Variants in DCC observed in about 807,000 individuals in gnomAD.
DCC encodes netrin receptor DCC.
Under a neutral mutation model 172.5 loss-of-function variants are expected in DCC, and 58 were observed. The observed-to-expected ratio is 0.34, with a 90% CI of 0.27 to 0.42. DCC has a LOEUF of 0.42. DCC is among the 10% of genes least tolerant of loss of function. DCC has a pLI of 1.00. For synonymous variants in DCC, 709 were observed against 644.5 expected (o/e 1.10, Z -1.52); for missense variants, 1,740 against 1,791.0 (o/e 0.97, Z 0.51).
At chr18:53,464,425 T>C (rs2045594103) in intron 24 of DCC, among the ~76,000 whole-genome samples, 1 of 152,298 alleles carries the variant, frequency 6.6e-6, no homozygotes, top group African/African-American at 2.4e-5. Flanking sequence ...TTTTGAATTA[T>C]ATACATGTCT....
intron 1 of DCC, among the ~76,000 whole-genome samples, chr18:52,654,220 T>G (rs1227324808): frequency 1.3e-5 from 2 of 152,190 alleles, no homozygotes; most frequent in African/African-American, 2.4e-5. Flanking sequence ...AGTTTGGTTA[T>G]GGAGAAAATA....
chr18:52,929,852 ACACACACACACT>A (rs769618864), intron 5 of DCC, among the ~76,000 whole-genome samples: 2 of 115,728 alleles, frequency 1.7e-5, no homozygotes, highest in East Asian at 2.8e-4. Context: ...ACACACACAC[ACACACACACACT>A]CACGTTTGTT....
intron 5 of DCC, among the ~76,000 whole-genome samples, chr18:52,943,729 C>A (rs1265869590): frequency 1.1e-5 from 1 of 88,276 alleles, no homozygotes; most frequent in Non-Finnish European, 2.4e-5. Flanking sequence ...AAAGGACTGG[C>A]AATTTATGGT....
rs374515719 is a variant in DCC, at chr18:53,267,133, CAT to C, written c.1912-38429_1912-38428del. Among the ~76,000 whole-genome samples, 841 of 145,364 alleles carry C rather than the reference CAT, an allele frequency of 5.8e-3. 11 individuals are homozygous for C. Among genetic ancestry groups the C allele is most frequent in the Middle Eastern group, 0.014 (4 of 286 alleles). ...TCTCACACACACACACACACACACACATATATATATATATATAGAGAGAGAGA... is the reference window on the plus strand; with the variant it reads ...TCTCACACACACACACACACACACACATATATATATATATAGAGAGAGAGA... On this transcript the variant is annotated intron_variant, in intron 12 of 28. Transcript: ENST00000442544.
rs527765661 is a variant in DCC at position 53,351,808 on chromosome 18, C to T, written c.2359+11901C>T. Reference sequence around the variant, plus strand: ...TCACGTCAGTGTTTACAGACAGCAACTTGCTGTGTTTCTTCTAAGCACTTC... The same window carrying T: ...TCACGTCAGTGTTTACAGACAGCAATTTGCTGTGTTTCTTCTAAGCACTTC... On this transcript the variant is annotated intron_variant, in intron 15 of 28. Coordinates refer to ENST00000442544, the MANE Select transcript of DCC (RefSeq NM_005215.4). 3.9e-5 allele frequency among the ~76,000 whole-genome samples: 6 copies of T among 151,934 alleles called. No individual in the cohort carries two copies. The South Asian group carries it at 1.2e-3, about 32-fold the overall frequency.
intron 25 of DCC, among the ~76,000 whole-genome samples, chr18:53,484,025 T>C (rs1024255642): frequency 2.6e-5 from 4 of 151,668 alleles, no homozygotes; most frequent in African/African-American, 9.7e-5. Flanking sequence ...AGTGTGTGTG[T>C]ATATATATAT....
At chr18:53,084,515 C>T (rs1599111301) in intron 7 of DCC, among the ~76,000 whole-genome samples, 1 of 152,116 alleles carries the variant, frequency 6.6e-6, no homozygotes, top group Admixed American at 6.5e-5. Context: ...TCTGGTGGCT[C>T]ACTTGTTGGG....
At chr18:52,803,849 T>C (rs1280915034) in intron 2 of DCC, among the ~76,000 whole-genome samples, 1 of 152,200 alleles carries the variant, frequency 6.6e-6, no homozygotes, top group East Asian at 1.9e-4. Flanking sequence ...ATTAACTAAG[T>C]AAATGCCAGC....
At chr18:53,270,108 C>T (rs1475473382) in intron 12 of DCC, among the ~76,000 whole-genome samples, 3 of 152,126 alleles carry the variant, frequency 2.0e-5, no homozygotes, top group Non-Finnish European at 4.4e-5. Context: ...TAGTAGACAA[C>T]CTCTCCCTAG....
intron 15 of DCC, among the ~76,000 whole-genome samples, chr18:53,351,291 G>GTATATATATATATATATATA (rs147758557): frequency 2.9e-5 from 1 of 34,452 alleles, no homozygotes; most frequent in Non-Finnish European, 5.7e-5. Context: ...ATTGAGTACA[G>GTATATATATATATATATATA]TATATATATA....
At chr18:53,270,125 A>G (rs967195902) in intron 12 of DCC, among the ~76,000 whole-genome samples, 2 of 152,180 alleles carry the variant, frequency 1.3e-5, no homozygotes, top group African/African-American at 4.8e-5. Context: ...CTAGCAAGGT[A>G]GAAAAGCAAG....
chr18:53,108,687 TG>T (rs1464938211), intron 7 of DCC, among the ~76,000 whole-genome samples: 16 of 151,848 alleles, frequency 1.1e-4, no homozygotes, highest in African/African-American at 3.9e-4. Flanking sequence ...AATCCCACCA[TG>T]TATATTATTT....
intron 27 of DCC, among the ~76,000 whole-genome samples, chr18:53,500,568 TATTA>T (rs1276918482): frequency 1.1e-4 from 17 of 151,608 alleles, no homozygotes; most frequent in East Asian, 7.7e-4. Flanking sequence ...GAAGTATAAA[TATTA>T]ATTATTTTAT....
intron 2 of DCC, among the ~76,000 whole-genome samples, chr18:52,843,190 A>T (rs990574705): frequency 2.0e-5 from 3 of 152,206 alleles, no homozygotes; most frequent in Non-Finnish European, 4.4e-5. Flanking sequence ...TTATTAGTTA[A>T]ATGTATTAAA....
At chr18:53,259,188 T>A (rs1218912656) in intron 12 of DCC, among the ~76,000 whole-genome samples, 1 of 152,074 alleles carries the variant, frequency 6.6e-6, no homozygotes, top group Non-Finnish European at 1.5e-5. Flanking sequence ...TGTCTTTTAA[T>A]TGGAGCATTT....
chr18:53,320,982 G>A (rs952002478), intron 13 of DCC, among the ~76,000 whole-genome samples: 2 of 152,002 alleles, frequency 1.3e-5, no homozygotes, highest in Admixed American at 1.3e-4. Flanking sequence ...TCTATTGAAG[G>A]CAACTGTTTG....
chr18:53,089,236 C>T (rs538226717), intron 7 of DCC, among the ~76,000 whole-genome samples: 1 of 152,232 alleles, frequency 6.6e-6, no homozygotes, highest in African/African-American at 2.4e-5. Context: ...CAGGTGCCTG[C>T]CACCACACCC....
intron 25 of DCC, among the ~76,000 whole-genome samples, chr18:53,471,939 TA>T (rs1433072656): frequency 1.2e-4 from 19 of 152,302 alleles, no homozygotes; most frequent in African/African-American, 4.6e-4. Context: ...ATAATCTTTA[TA>T]GGGGCAAGGA....
At chr18:53,046,933 T>C (rs1305620875) in intron 5 of DCC, among the ~76,000 whole-genome samples, 2 of 151,728 alleles carry the variant, frequency 1.3e-5, no homozygotes, top group Admixed American at 6.6e-5. Flanking sequence ...ATTTTTTTAA[T>C]GCAGTGGCTT....
Sources: gnomAD v4.1 joint callset for allele counts (sites outside exome capture counted in the v4.1 genomes callset) on GRCh38, gnomAD v4.1.1 for gene constraint, MANE v1.5 for transcripts, NCBI Gene and HGNC (gene_info 2026-07-23, HGNC 2026-07-21) for gene names.